The following TPCN2 variants were observed in gnomAD, a reference collection of about 807,000 sequenced individuals.
TPCN2 encodes the protein two pore segment channel 2.
In TPCN2, 92 loss-of-function variants were observed where a neutral mutation model predicts 111.4. The observed-to-expected ratio is 0.83, with a 90% CI of 0.70 to 0.98. TPCN2 has a LOEUF of 0.98. Ranked by LOEUF, TPCN2 falls within the 50% of genes least tolerant of loss-of-function variation. The pLI is 0.00. For synonymous variants in TPCN2, 405 were observed against 414.5 expected, an observed-to-expected ratio of 0.98 and a Z score of 0.28; for missense variants, 995 against 980.1, an observed-to-expected ratio of 1.02 and a Z score of -0.20.
chr11:69,073,131 T>C (rs1197531818), intron 13 of TPCN2, 130 bp downstream of exon 13: 3 of 654,548 alleles, frequency 4.6e-6, no homozygotes, highest in South Asian at 3.6e-5. Context: ...GCTCCTAGTA[T>C]GGGAACTGGG....
intron 13 of TPCN2, among the ~76,000 whole-genome samples, chr11:69,077,038 T>C (rs1188934993): frequency 1.5e-5 from 1 of 66,410 alleles, no homozygotes; most frequent in Non-Finnish European, 2.9e-5. Context: ...TCCTGCCATG[T>C]CCCTCCACCT....
intron 6 of TPCN2, 125 bp downstream of exon 6, chr11:69,063,115 C>G: frequency 1.2e-6 from 1 of 828,236 alleles, no homozygotes; most frequent in Non-Finnish European, 2.0e-6. Context: ...CCCTGGCTGG[C>G]TGGTGACGGT....
intron 7 of TPCN2, among the ~76,000 whole-genome samples, chr11:69,064,288 C>A (rs1250420321): frequency 6.9e-6 from 1 of 144,206 alleles, no homozygotes; most frequent in Non-Finnish European, 1.5e-5. Flanking sequence ...TCCCTCCCCC[C>A]TCCCTATCCC....
At chr11:69,087,743 G>A (rs1590758296) in intron 24 of TPCN2, 132 bp from the exon 25 acceptor site, 2 of 651,932 alleles carry the variant, frequency 3.1e-6, no homozygotes, top group Non-Finnish European at 5.3e-6. Flanking sequence ...GCTCATCTGA[G>A]TCCCCGTGTC....
rs1856243628 is a variant in TPCN2 at position 69,085,706 on chromosome 11, G to A, written c.1874G>A (p.Ser625Asn). The change falls in exon 21 of 25, where the codon AGC becomes AAC. Residue 625 changes from serine (S) to asparagine (N), a missense_variant. Physicochemically the swap from Ser to Asn is conservative, Grantham distance 46 (BLOSUM62 1). Coordinates refer to ENST00000294309, the MANE Select transcript of TPCN2 (RefSeq NM_139075.4). ...GCCAATGGCTCGGCGCCCTGTGGGA[G>A]CTTCGAGCAGCTGGAGTACTGGGCC... is the stretch of plus-strand genomic sequence containing the variant. ...APANGSAPCGSFEQLEYWANN... is the reference protein window; with the variant it reads ...APANGSAPCGNFEQLEYWANN... 2 of 1,614,032 alleles carry A rather than the reference G, an allele frequency of 1.2e-6. No individual in the cohort carries two copies. Among genetic ancestry groups the A allele is most frequent in the Non-Finnish European group, 1.7e-6 (2 of 1,179,994 alleles).
At chr11:69,071,759 C>G (rs1349450586) in intron 10 of TPCN2, among the ~76,000 whole-genome samples, 164 bp from the exon 11 acceptor site, 1 of 152,190 alleles carries the variant, frequency 6.6e-6, no homozygotes, top group Non-Finnish European at 1.5e-5. Context: ...GACCAATCCT[C>G]TCATTCCTGG....
At chr11:69,087,821 C>G (rs1413333384) in intron 24 of TPCN2, 54 bp from the exon 25 acceptor site, 5 of 1,473,312 alleles carry the variant, frequency 3.4e-6, no homozygotes, top group Non-Finnish European at 4.7e-6. Flanking sequence ...TGTGGGCAGG[C>G]CAGGGTCTCC....
At chr11:69,054,666 C>T in intron 2 of TPCN2, 55 bp from the exon 3 acceptor site, 1 of 1,546,320 alleles carries the variant, frequency 6.5e-7, no homozygotes, top group Admixed American at 1.7e-5. Context: ...GGGCTCGGGT[C>T]ACGGCCCACC....
chr11:69,078,398 A>G lies in TPCN2; in HGVS notation c.1231-84A>G, dbSNP rs1855878184. 8 of 1,556,188 alleles carry G rather than the reference A, an allele frequency of 5.1e-6. No individual in the cohort carries two copies. In the South Asian group the frequency reaches 8.3e-5, roughly 16 times the overall value. On this transcript the variant is annotated intron_variant, in intron 13 of 24. Coordinates refer to ENST00000294309, the MANE Select transcript of TPCN2 (RefSeq NM_139075.4). ...ATGGGGTAGGAAAAAATCAAATCCC[A>G]GAATAAGAGGGTGTGAGCATTTTTG...
chr11:69,069,106 C>G lies in TPCN2; in HGVS notation c.830-1324C>G, dbSNP rs1855397057. The stretch of plus-strand genomic sequence containing the variant: ...CAGGGGGAGCAGGACTATCTGAGTC[C>G]TAGGAAGTGACCGCAGTGGGAGCAG... On this transcript the variant is annotated intron_variant, in intron 8 of 24. Transcript: ENST00000294309. Among the ~76,000 whole-genome samples, 2 of 135,594 alleles carry G rather than the reference C, an allele frequency of 1.5e-5. 1 individual carries two copies. 89.0% of individuals were successfully genotyped at this position (135,594 alleles called of 152,430 possible). A position where few individuals can be genotyped will look rare whatever the true frequency, so the allele number is the denominator to read the frequency against.
At chr11:69,083,881 C>T in intron 18 of TPCN2, 64 bp from the exon 19 acceptor site, 1 of 1,505,988 alleles carries the variant, frequency 6.6e-7, no homozygotes, top group Non-Finnish European at 9.2e-7. Context: ...GCGTGGTGGG[C>T]CGGGATGGTG....
intron 13 of TPCN2, among the ~76,000 whole-genome samples, chr11:69,077,047 C>T (rs1855805886): frequency 9.2e-6 from 1 of 108,340 alleles, no homozygotes; most frequent in Non-Finnish European, 1.9e-5. Context: ...GTCCCTCCAC[C>T]TGCCCTCGTG....
chr11:69,052,146 C>T (rs1861253093), intron 1 of TPCN2, among the ~76,000 whole-genome samples: 1 of 152,090 alleles, frequency 6.6e-6, no homozygotes. Flanking sequence ...GGATGGCTGG[C>T]CTGGGTGGAT....
At chr11:69,070,571 C>A in intron 9 of TPCN2, 76 bp downstream of exon 9, 4 of 1,114,412 alleles carry the variant, frequency 3.6e-6, no homozygotes, top group Non-Finnish European at 5.2e-6. Flanking sequence ...CTGCTGCCTC[C>A]ACGACCTGAA....
In TPCN2 at chr11:69,088,039, T is replaced by C; in HGVS notation, c.*86T>C. On this transcript the variant is annotated 3_prime_UTR_variant, in exon 25 of 25. Transcript: ENST00000294309. ...CGTCATGGAAGAGGCGGCCATGCTG[T>C]GGCCAGCCAGGCAGGAAGAGACCTT... 7.3e-6 allele frequency: 9 copies of C among 1,232,600 alleles called. No homozygotes were observed. The highest frequency in any genetic ancestry group is 9.0e-6 in the Non-Finnish European group (8 of 884,254). 76.4% of individuals were successfully genotyped at this position (1,232,600 alleles called of 1,614,324 possible).
At chr11:69,087,080 C>G (rs1294892684) in intron 23 of TPCN2, 32 bp from the exon 24 acceptor site, 1 of 1,591,080 alleles carries the variant, frequency 6.3e-7, no homozygotes, top group East Asian at 2.2e-5. Flanking sequence ...ATTCGGGGCC[C>G]ACACTCACTG....
intron 10 of TPCN2, 73 bp from the exon 11 acceptor site, chr11:69,071,850 A>C: frequency 1.4e-6 from 2 of 1,400,846 alleles, no homozygotes; most frequent in African/African-American, 1.4e-5. Context: ...CCTGTTCCCC[A>C]GGGGAGGGAA....
chr11:69,063,542 C>T (rs1036085432), intron 6 of TPCN2, among the ~76,000 whole-genome samples: 3 of 152,116 alleles, frequency 2.0e-5, no homozygotes, highest in Non-Finnish European at 4.4e-5. Context: ...GCAGCGTTGC[C>T]CGAGTCCCTA....
intron 7 of TPCN2, among the ~76,000 whole-genome samples, chr11:69,067,120 G>GC (rs1031770068): frequency 1.3e-5 from 2 of 152,180 alleles, no homozygotes; most frequent in Non-Finnish European, 1.5e-5. Context: ...GGCAGCCTGG[G>GC]CCCCTCTGCT....
Sources: gnomAD v4.1 joint callset for allele counts (sites outside exome capture counted in the v4.1 genomes callset) on GRCh38, gnomAD v4.1.1 for gene constraint, MANE v1.5 for transcripts, NCBI Gene and HGNC (gene_info 2026-07-23, HGNC 2026-07-21) for gene names.